SLC19A2: variants seen among roughly 807,000 people sequenced by gnomAD.
SLC19A2 encodes thiamine transporter 1.
SLC19A2 carries 27 observed loss-of-function variants against 44.7 expected under a neutral mutation model. The ratio of observed to expected loss-of-function variants is 0.60; its 90% confidence interval spans 0.45 to 0.83. SLC19A2 has a LOEUF of 0.83. Among genes scored for constraint, SLC19A2 ranks in the 40% least tolerant of loss-of-function variants. The pLI is 0.00. For missense variants in SLC19A2, 566 were observed against 613.7 expected (o/e 0.92, Z 0.82); for synonymous variants, 239 against 243.6 (o/e 0.98, Z 0.18).
chr1:169,470,218 C>A lies in SLC19A2; in HGVS notation c.808-32G>T. On this transcript the variant is annotated intron_variant, in intron 2 of 5. Coordinates refer to ENST00000236137, the MANE Select transcript of SLC19A2 (RefSeq NM_006996.3). Reference sequence around the variant, plus strand: ...AGCAAAAGGGAACAATGCTCAAACTCTGATGAAGGCAATTATATAGAAAGC... The same window carrying A: ...AGCAAAAGGGAACAATGCTCAAACTATGATGAAGGCAATTATATAGAAAGC... 1 of 1,582,494 alleles carries A rather than the reference C, an allele frequency of 6.3e-7. No homozygotes were observed. The highest frequency in any genetic ancestry group is 1.3e-5 in the African/African-American group (1 of 74,420).
At position 169,477,411 on chromosome 1, in the gene SLC19A2, C is replaced by T; in HGVS notation, c.551G>A (p.Gly184Asp). The part of the protein sequence containing the change: ...VLGQILVSVA[G>D]WSLFSLNVIS... ...GACATTCAGGCTGAACAGCGACCAG[C>T]CTGCCACTGAGACAAGGATTTGCCC... The change falls in exon 2 of 6, where the codon GGC becomes GAC. Residue 184 changes from glycine (G) to aspartate (D), a missense_variant. Coordinates refer to ENST00000236137, the MANE Select transcript of SLC19A2 (RefSeq NM_006996.3). 2 of 1,614,184 alleles carry T rather than the reference C, an allele frequency of 1.2e-6. No individual in the cohort carries two copies. Among genetic ancestry groups the T allele is most frequent in the East Asian group, 2.2e-5 (1 of 44,882 alleles).
At position 169,485,879 on chromosome 1, in the gene SLC19A2, A is replaced by G. The variant is rs1658555448; in HGVS notation, c.-113T>C. The G allele has an allele frequency of 2.4e-6, 3 of 1,261,446 alleles. No homozygotes were observed. The highest frequency in any genetic ancestry group is 3.2e-6 in the Non-Finnish European group (3 of 935,006). The allele number at this position is 1,261,446 out of a possible 1,614,324, so 78.1% of individuals were successfully genotyped here. On this transcript the variant is annotated 5_prime_UTR_variant, in exon 1 of 6. Coordinates refer to ENST00000236137, the MANE Select transcript of SLC19A2 (RefSeq NM_006996.3). ...AGTGACGCCTTCTCCCTGTAAGGCCAGGACGTTCTGGACTCGCCGCCGCCT... is the reference window on the plus strand; with the variant it reads ...AGTGACGCCTTCTCCCTGTAAGGCCGGGACGTTCTGGACTCGCCGCCGCCT...
chr1:169,482,311 G>C (rs767374980), intron 1 of SLC19A2, among the ~76,000 whole-genome samples: 1 of 151,940 alleles, frequency 6.6e-6, no homozygotes, highest in Non-Finnish European at 1.5e-5. Flanking sequence ...AGGCCAAGTT[G>C]GACAGATCAC....
In SLC19A2 at chr1:169,485,529, C is replaced by T. The variant is rs116828759; in HGVS notation, c.204+34G>A. 7.0e-4 allele frequency: 1,096 copies of T among 1,558,468 alleles called. 2 individuals are homozygous for T. Among genetic ancestry groups the T allele is most frequent in the Non-Finnish European group, 8.8e-4 (1,011 of 1,151,852 alleles). On this transcript the variant is annotated intron_variant, in intron 1 of 5. Transcript: ENST00000236137. ...GCTGCCCACCCGCAGGCCGGTCGCC[C>T]GCCCTTCCCGCGCCCCGCGTCCGCC...
At chr1:169,472,251 T>A (rs915636446) in intron 2 of SLC19A2, among the ~76,000 whole-genome samples, 4 of 152,222 alleles carry the variant, frequency 2.6e-5, no homozygotes, top group African/African-American at 9.7e-5. Flanking sequence ...TCCACCAGTT[T>A]TATTGAACTA....
intron 4 of SLC19A2, 121 bp downstream of exon 4, chr1:169,468,523 A>G: frequency 2.4e-6 from 2 of 827,960 alleles, no homozygotes; most frequent in East Asian, 5.3e-5. Flanking sequence ...CACATATAAT[A>G]CAATGCTTCC....
At chr1:169,467,185 C>T (rs536716647) in intron 5 of SLC19A2, among the ~76,000 whole-genome samples, 1 of 152,194 alleles carries the variant, frequency 6.6e-6, no homozygotes, top group African/African-American at 2.4e-5. Context: ...ACTTAAGTTT[C>T]TCTCCTACTT....
intron 1 of SLC19A2, among the ~76,000 whole-genome samples, chr1:169,482,633 A>G (rs1658467126): frequency 6.6e-6 from 1 of 152,244 alleles, no homozygotes; most frequent in African/African-American, 2.4e-5. Context: ...AATAGGAAAT[A>G]CAGGGTTGTT....
intron 1 of SLC19A2, among the ~76,000 whole-genome samples, chr1:169,485,338 C>T (rs1016535768): frequency 6.6e-6 from 1 of 152,226 alleles, no homozygotes; most frequent in African/African-American, 2.4e-5. Flanking sequence ...GGCACGGGGC[C>T]TCTGGACGCG....
chr1:169,470,074 C>T lies in SLC19A2; in HGVS notation c.920G>A (p.Cys307Tyr). 2 of 1,614,014 alleles carry T rather than the reference C, an allele frequency of 1.2e-6. No individual in the cohort carries two copies. The highest frequency in any genetic ancestry group is 1.7e-6 in the Non-Finnish European group (2 of 1,179,932). ...CWSVWWALST[C>Y]GYFQVVNYTQ... ...GTAGTTCACAACTTGAAAATAGCCA[C>T]AGGTAGAGAGGGCCCACCACACAGA... Residue 307 changes from cysteine to tyrosine, a missense_variant, in exon 3 of 6, where the codon TGT becomes TAT. By Grantham distance (194) the Cys-to-Tyr change is radical. Transcript: ENST00000236137.
chr1:169,473,676 AC>A (rs1241495252), intron 2 of SLC19A2, among the ~76,000 whole-genome samples: 1 of 147,278 alleles, frequency 6.8e-6, no homozygotes, highest in Admixed American at 6.9e-5. Context: ...CAAATAACAT[AC>A]TGACTCTAAA....
At chr1:169,483,158 T>C (rs1171122728) in intron 1 of SLC19A2, among the ~76,000 whole-genome samples, 1 of 152,190 alleles carries the variant, frequency 6.6e-6, no homozygotes, top group Admixed American at 6.5e-5. Context: ...AGAAGAAATC[T>C]TTTTCTCCTC....
At chr1:169,476,325 A>G (rs1658308119) in intron 2 of SLC19A2, among the ~76,000 whole-genome samples, 1 of 152,166 alleles carries the variant, frequency 6.6e-6, no homozygotes, top group Non-Finnish European at 1.5e-5. Flanking sequence ...CGTCTGTATT[A>G]TTCATTACTA....
In SLC19A2 at chr1:169,464,393, G is replaced by C. The variant is rs1379014856; in HGVS notation, c.*1456C>G. On this transcript the variant is annotated 3_prime_UTR_variant, in exon 6 of 6. Transcript: ENST00000236137. ...AGTGTTCTTTTCCTTTCCCTTAATA[G>C]TAAAGGATGGTGAATAGAAAATGAC... The C allele has an allele frequency of 3.9e-5, 6 of 152,032 alleles. No homozygotes were observed. The highest frequency in any genetic ancestry group is 1.5e-4 in the African/African-American group (6 of 41,346). The allele number at this position is 152,032 out of a possible 1,614,324, so 9.4% of individuals were successfully genotyped here.
At chr1:169,471,225 A>C (rs1041409319) in intron 2 of SLC19A2, among the ~76,000 whole-genome samples, 4 of 152,298 alleles carry the variant, frequency 2.6e-5, no homozygotes, top group African/African-American at 9.6e-5. Context: ...GTATACGTAC[A>C]TATGTATATA....
rs1051546162 is a variant in SLC19A2 at position 169,465,183 on chromosome 1, C to A, written c.*666G>T. On this transcript the variant is annotated 3_prime_UTR_variant, in exon 6 of 6. Transcript: ENST00000236137. Reference sequence around the variant, plus strand: ...ATATGAATAATGCAAAAACGTACTTCTAAACAAATTTTACAGAAATAAATA... The same window carrying A: ...ATATGAATAATGCAAAAACGTACTTATAAACAAATTTTACAGAAATAAATA... The A allele has an allele frequency of 1.3e-5, 2 of 152,176 alleles. No individual in the cohort carries two copies. The highest frequency in any genetic ancestry group is 4.8e-5 in the African/African-American group (2 of 41,432). 9.4% of individuals were successfully genotyped at this position (152,176 alleles called of 1,614,324 possible).
intron 1 of SLC19A2, among the ~76,000 whole-genome samples, chr1:169,485,155 T>C (rs918360080): frequency 1.3e-5 from 2 of 152,212 alleles, no homozygotes; most frequent in Non-Finnish European, 2.9e-5. Flanking sequence ...AAAGCAGTGG[T>C]TGCCTACTTT....
Position 169,477,173 on chromosome 1 carries a change from C to A in SLC19A2, c.789G>T (p.Glu263Asp). Reference sequence around the variant, plus strand: ...AGCTTACCGGTTCCTCCACGGGAGGCTCCTCCATATTTAGAGGGATTTTTG... The same window carrying A: ...AGCTTACCGGTTCCTCCACGGGAGGATCCTCCATATTTAGAGGGATTTTTG... ...IESKIPLNME[E>D]PPVEEPEPKP... The change falls in exon 2 of 6, where the codon GAG becomes GAT. Residue 263 changes from glutamate to aspartate, a missense_variant. Coordinates refer to ENST00000236137, the MANE Select transcript of SLC19A2 (RefSeq NM_006996.3). 6.2e-7 allele frequency: 1 copy of A among 1,613,748 alleles called. No homozygotes were observed. Among genetic ancestry groups the A allele is most frequent in the South Asian group, 1.1e-5 (1 of 91,058 alleles).
intron 5 of SLC19A2, among the ~76,000 whole-genome samples, chr1:169,467,431 G>GTTTTACAAAGTAATTACAAA (rs1658063793): frequency 6.6e-6 from 1 of 152,080 alleles, no homozygotes; most frequent in Admixed American, 6.5e-5. Context: ...AGTTAATTAC[G>GTTTTACAAAGTAATTACAAA]GCTAATATGT....
Sources: allele counts gnomAD v4.1 joint callset (sites outside exome capture counted in the v4.1 genomes callset), GRCh38; gene constraint gnomAD v4.1.1; transcripts MANE v1.5; gene names NCBI Gene and HGNC (gene_info 2026-07-23, HGNC 2026-07-21).